Variants in ADARB2 observed in about 807,000 individuals in gnomAD.
ADARB2 encodes the protein inactive double-stranded RNA-specific editase B2.
A neutral mutation model predicts 62.2 loss-of-function variants in ADARB2; 25 were observed. That is an observed-to-expected ratio of 0.40 (90% CI 0.29 to 0.56). The LOEUF (loss-of-function observed/expected upper bound fraction) is 0.56, where lower values mean the gene tolerates loss of function less well. ADARB2 is among the 20% of genes least tolerant of loss of function. The pLI is 0.43. For missense variants in ADARB2, 1,071 were observed against 1,077.4 expected (o/e 0.99, Z 0.08); for synonymous variants, 572 against 500.8 (o/e 1.14, Z -1.90).
intron 1 of ADARB2, among the ~76,000 whole-genome samples, chr10:1,549,069 A>C (rs1156920746): frequency 6.6e-6 from 1 of 152,104 alleles, no homozygotes; most frequent in Non-Finnish European, 1.5e-5. Context: ...GTCTGAGGGG[A>C]ACTGCAGCCG....
At chr10:1,684,853 G>C (rs1005129055) in intron 1 of ADARB2, among the ~76,000 whole-genome samples, 1 of 152,192 alleles carries the variant, frequency 6.6e-6, no homozygotes, top group African/African-American at 2.4e-5. Flanking sequence ...TTCTGAGTGT[G>C]GGTTCTTATC....
At chr10:1,435,482 G>A (rs17156334) in intron 1 of ADARB2, among the ~76,000 whole-genome samples, 29,313 of 149,242 alleles carry the variant, frequency 0.2, 2,985 homozygotes, top group East Asian at 0.35. Context: ...CTCCTTCTGC[G>A]CAAGGACCAT....
At chr10:1,573,130 T>A (rs1384307922) in intron 1 of ADARB2, among the ~76,000 whole-genome samples, 1 of 152,222 alleles carries the variant, frequency 6.6e-6, no homozygotes, top group Non-Finnish European at 1.5e-5. Context: ...GAACAGAGGA[T>A]GCATCTGCTG....
chr10:1,736,020 C>A (rs1835296033), intron 1 of ADARB2, among the ~76,000 whole-genome samples: 1 of 152,190 alleles, frequency 6.6e-6, no homozygotes, highest in Non-Finnish European at 1.5e-5. Context: ...TGCTTTCAAA[C>A]AACTGGCAAA....
At chr10:1,382,848 T>G (rs890846926) in intron 1 of ADARB2, among the ~76,000 whole-genome samples, 1 of 152,114 alleles carries the variant, frequency 6.6e-6, no homozygotes, top group Non-Finnish European at 1.5e-5. Context: ...GGTGTTACTC[T>G]AGAAACGTCA....
At chr10:1,391,184 C>T (rs1425676937) in intron 1 of ADARB2, among the ~76,000 whole-genome samples, 2 of 152,108 alleles carry the variant, frequency 1.3e-5, no homozygotes, top group African/African-American at 4.8e-5. Flanking sequence ...TTGTGGGTTG[C>T]AATAAAATGC....
At chr10:1,432,569 G>A (rs1208273567) in intron 1 of ADARB2, among the ~76,000 whole-genome samples, 2 of 149,938 alleles carry the variant, frequency 1.3e-5, no homozygotes, top group Non-Finnish European at 3.0e-5. Flanking sequence ...TTATCTAAGT[G>A]AAAAGTCCCA....
chr10:1,706,080 G>A (rs1359768740), intron 1 of ADARB2, among the ~76,000 whole-genome samples: 1 of 152,166 alleles, frequency 6.6e-6, no homozygotes, highest in African/African-American at 2.4e-5. Flanking sequence ...AGTGAATGAC[G>A]GTAATGTGAG....
intron 4 of ADARB2, among the ~76,000 whole-genome samples, chr10:1,261,957 C>G (rs2131791219): frequency 6.8e-6 from 1 of 148,102 alleles, no homozygotes; most frequent in East Asian, 1.9e-4. Flanking sequence ...GAATACTATG[C>G]AGCCATAAAA....
At chr10:1,486,816 A>G (rs916242345) in intron 1 of ADARB2, among the ~76,000 whole-genome samples, 10 of 152,196 alleles carry the variant, frequency 6.6e-5, no homozygotes, top group Non-Finnish European at 1.5e-4. Flanking sequence ...GGAGCCAGAA[A>G]TCTCGATTTA....
chr10:1,583,796 A>G (rs1343842525), intron 1 of ADARB2, among the ~76,000 whole-genome samples: 1 of 152,234 alleles, frequency 6.6e-6, no homozygotes, highest in Non-Finnish European at 1.5e-5. Flanking sequence ...AAGGAGAAGC[A>G]CCAACTGGTG....
chr10:1,310,391 ATTCCTTCATTGACTCTGAAT>A (rs1831678312), intron 3 of ADARB2, among the ~76,000 whole-genome samples: 1 of 143,206 alleles, frequency 7.0e-6, no homozygotes, highest in Non-Finnish European at 1.5e-5. Context: ...TCTGAATAAC[ATTCCTTCATTGACTCTGAAT>A]AACATTCCTT....
intron 1 of ADARB2, among the ~76,000 whole-genome samples, chr10:1,702,550 T>C (rs370266325): frequency 2.6e-4 from 39 of 152,360 alleles, no homozygotes; most frequent in African/African-American, 9.4e-4. Flanking sequence ...TCCACCTGTC[T>C]TGATTAAAAT....
At chr10:1,244,436 C>T (rs143573279) in intron 4 of ADARB2, among the ~76,000 whole-genome samples, 14 of 152,336 alleles carry the variant, frequency 9.2e-5, no homozygotes, top group African/African-American at 2.6e-4. Flanking sequence ...CCGGCCTGCT[C>T]CTTCTCTTTG....
At chr10:1,305,174 AAGAG>A (rs1159330885) in intron 3 of ADARB2, among the ~76,000 whole-genome samples, 8 of 145,386 alleles carry the variant, frequency 5.5e-5, no homozygotes, top group African/African-American at 1.5e-4. Context: ...TAAAGAAAAA[AAGAG>A]AGAAGAATCA....
At chr10:1,533,739 G>A (rs750178753) in intron 1 of ADARB2, among the ~76,000 whole-genome samples, 8 of 152,102 alleles carry the variant, frequency 5.3e-5, no homozygotes, top group Non-Finnish European at 7.3e-5. Context: ...AAGATCTTAC[G>A]CATATTCCAT....
At chr10:1,718,984 G>GTTGTTT (rs58161977) in intron 1 of ADARB2, among the ~76,000 whole-genome samples, 67,125 of 151,680 alleles carry the variant, frequency 0.44, 16,346 homozygotes, top group African/African-American at 0.66. Context: ...TTTTGTTGTT[G>GTTGTTT]TTGTTGTTGT....
chr10:1,429,066 T>C (rs2131888985), intron 1 of ADARB2, among the ~76,000 whole-genome samples: 1 of 152,038 alleles, frequency 6.6e-6, no homozygotes, highest in African/African-American at 2.4e-5. Context: ...ATAAGGTGGG[T>C]GGAGGGCACC....
At chr10:1,309,105 G>T (rs1471270345) in intron 3 of ADARB2, among the ~76,000 whole-genome samples, 1 of 152,224 alleles carries the variant, frequency 6.6e-6, no homozygotes, top group Non-Finnish European at 1.5e-5. Flanking sequence ...ACATTTTTGT[G>T]TGTTGGGTTG....
Sources: gnomAD v4.1 joint callset for allele counts (sites outside exome capture counted in the v4.1 genomes callset) on GRCh38, gnomAD v4.1.1 for gene constraint, MANE v1.5 for transcripts, NCBI Gene and HGNC (gene_info 2026-07-23, HGNC 2026-07-21) for gene names.